The following ITPR1 variants were observed in gnomAD, a reference collection of about 807,000 sequenced individuals.
ITPR1 encodes the protein inositol 1,4,5-trisphosphate-gated calcium channel ITPR1.
Under a neutral mutation model 318.4 loss-of-function variants are expected in ITPR1, and 96 were observed. That is an observed-to-expected ratio of 0.30 (90% CI 0.26 to 0.36). ITPR1 has a LOEUF of 0.36. Among genes scored for constraint, ITPR1 ranks in the 10% least tolerant of loss-of-function variants. The pLI, the probability that ITPR1 is intolerant of heterozygous loss-of-function variation, is 1.00. For missense variants in ITPR1, 2,440 were observed against 3,460.2 expected, an observed-to-expected ratio of 0.71 and a Z score of 7.40; for synonymous variants, 1,312 against 1,289.9, an observed-to-expected ratio of 1.02 and a Z score of -0.37.
At chr3:4,503,355 A>C (rs143513377) in intron 2 of ITPR1, among the ~76,000 whole-genome samples, 84 of 152,302 alleles carry the variant, frequency 5.5e-4, no homozygotes, top group African/African-American at 1.9e-3. Flanking sequence ...TTCTTGGGTA[A>C]GGGGCAAAAC....
chr3:4,691,249 C>CA lies in ITPR1; in HGVS notation c.3935dup (p.His1312GlnfsTer23). The stretch of plus-strand genomic sequence containing the variant: ...GCACTTCGTTCACTGCATAGAGACT[C>CA]ACGGTCGGAATGTCCAGTATATAAA... On this transcript the variant is annotated frameshift_variant, in exon 32 of 62. Coordinates refer to ENST00000649015, the MANE Select transcript of ITPR1 (RefSeq NM_001378452.1). LOFTEE classifies it high-confidence loss of function. 1 of 1,612,898 alleles carries CA rather than the reference C, an allele frequency of 6.2e-7. No homozygotes were observed. Among genetic ancestry groups the CA allele is most frequent in the Non-Finnish European group, 8.5e-7 (1 of 1,179,042 alleles).
chr3:4,520,206 T>G (rs988006618), intron 3 of ITPR1, among the ~76,000 whole-genome samples: 2 of 152,212 alleles, frequency 1.3e-5, no homozygotes, highest in Non-Finnish European at 2.9e-5. Flanking sequence ...CTTGGACAAG[T>G]TGTGTAACTT....
intron 60 of ITPR1, among the ~76,000 whole-genome samples, chr3:4,835,995 C>G (rs1250070466): frequency 6.6e-6 from 1 of 152,156 alleles, no homozygotes; most frequent in Non-Finnish European, 1.5e-5. Flanking sequence ...TCTATAAGCT[C>G]ATAAACGGGG....
chr3:4,652,067 A>C (rs937891703), intron 10 of ITPR1, 56 bp from the exon 11 acceptor site: 2 of 1,316,924 alleles, frequency 1.5e-6, no homozygotes, highest in African/African-American at 2.9e-5. Context: ...CCTCCGATTT[A>C]ATGTCTTCCT....
chr3:4,824,590 G>A (rs1393934163), intron 60 of ITPR1, among the ~76,000 whole-genome samples: 1 of 152,122 alleles, frequency 6.6e-6, no homozygotes, highest in African/African-American at 2.4e-5. Flanking sequence ...GACTTGGACT[G>A]GCTCATCTCC....
chr3:4,538,209 C>G (rs2084058315), intron 4 of ITPR1, among the ~76,000 whole-genome samples: 1 of 151,656 alleles, frequency 6.6e-6, no homozygotes, highest in Non-Finnish European at 1.5e-5. Context: ...AGAAAAAAAC[C>G]AAACAACCCT....
chr3:4,651,424 A>G (rs926137746), intron 10 of ITPR1, among the ~76,000 whole-genome samples: 1 of 152,130 alleles, frequency 6.6e-6, no homozygotes, highest in Non-Finnish European at 1.5e-5. Context: ...CTTCCTCCCT[A>G]TGCTGCCATC....
intron 4 of ITPR1, among the ~76,000 whole-genome samples, chr3:4,594,601 C>T (rs1182827631): frequency 6.6e-6 from 1 of 152,152 alleles, no homozygotes; most frequent in Non-Finnish European, 1.5e-5. Context: ...TAGCTTCAGC[C>T]ATTGTGTTCA....
rs188183699 is a variant in ITPR1, at chr3:4,629,933, C to A, written c.279+2055C>A. On this transcript the variant is annotated intron_variant, in intron 5 of 61. Coordinates refer to ENST00000649015, the MANE Select transcript of ITPR1 (RefSeq NM_001378452.1). ...TGGAGGCTAGTGATTGCTTTGAAGA[C>A]TTCTGGAATTGCATCGTTATTTGAA... 1.7e-4 allele frequency among the ~76,000 whole-genome samples: 26 copies of A among 152,266 alleles called. No individual in the cohort carries two copies. The East Asian group carries it at 5.0e-3, about 29-fold the overall frequency.
chr3:4,690,425 A>G (rs2094462209), intron 31 of ITPR1, among the ~76,000 whole-genome samples: 1 of 152,210 alleles, frequency 6.6e-6, no homozygotes, highest in South Asian at 2.1e-4. Context: ...TTTAGCCACA[A>G]TAAGATGTGG....
intron 23 of ITPR1, among the ~76,000 whole-genome samples, chr3:4,676,059 G>T (rs918072672): frequency 2.0e-5 from 3 of 151,992 alleles, no homozygotes; most frequent in African/African-American, 7.2e-5. Context: ...AATAAAATTT[G>T]GGCAGGGCAT....
intron 47 of ITPR1, among the ~76,000 whole-genome samples, chr3:4,776,540 A>G (rs925052129): frequency 1.8e-4 from 27 of 152,326 alleles, no homozygotes; most frequent in African/African-American, 6.5e-4. Flanking sequence ...CTCATTGTCT[A>G]TTAAAAACCT....
intron 59 of ITPR1, among the ~76,000 whole-genome samples, chr3:4,817,725 C>T (rs1434399957): frequency 6.6e-6 from 1 of 152,202 alleles, no homozygotes; most frequent in Non-Finnish European, 1.5e-5. Context: ...CTTCACATTC[C>T]CTGGTTGCAT....
chr3:4,729,066 G>T (rs2042725284), intron 42 of ITPR1, among the ~76,000 whole-genome samples: 2 of 152,174 alleles, frequency 1.3e-5, no homozygotes, highest in Non-Finnish European at 2.9e-5. Flanking sequence ...CCTAGGAGTA[G>T]CTGATAAAGG....
chr3:4,597,405 G>A (rs1253252907), intron 4 of ITPR1, among the ~76,000 whole-genome samples: 2 of 152,192 alleles, frequency 1.3e-5, no homozygotes, highest in African/African-American at 2.4e-5. Flanking sequence ...GGATTTGGGT[G>A]TATGTAGATG....
intron 44 of ITPR1, among the ~76,000 whole-genome samples, chr3:4,755,244 C>T (rs963592186): frequency 2.7e-5 from 4 of 146,384 alleles, no homozygotes; most frequent in Non-Finnish European, 4.5e-5. Flanking sequence ...AAACTGTTAG[C>T]GTTCTGATCC....
At chr3:4,793,951 T>C (rs2047732139) in intron 52 of ITPR1, among the ~76,000 whole-genome samples, 1 of 152,238 alleles carries the variant, frequency 6.6e-6, no homozygotes, top group Non-Finnish European at 1.5e-5. Flanking sequence ...AAGGCTTGGC[T>C]GCTGCTACAA....
Position 4,636,043 on chromosome 3 carries a change from A to T in ITPR1, c.280-3341A>T, listed in dbSNP as rs2093178974. 4.0e-5 allele frequency among the ~76,000 whole-genome samples: 6 copies of T among 151,846 alleles called. No homozygotes were observed. In the South Asian group the frequency reaches 1.3e-3, roughly 32 times the overall value. ...GCCCAGCTAATTTTGTATTTTTAGT[A>T]GAGATGGGGTTTCTCCATGTTGGTC... On this transcript the variant is annotated intron_variant, in intron 5 of 61. Coordinates refer to ENST00000649015, the MANE Select transcript of ITPR1 (RefSeq NM_001378452.1).
intron 55 of ITPR1, among the ~76,000 whole-genome samples, chr3:4,806,872 G>A (rs2048587470): frequency 6.6e-6 from 1 of 152,032 alleles, no homozygotes; most frequent in Admixed American, 6.6e-5. Flanking sequence ...ACAAATCAAG[G>A]AACTACTTAC....
Sources: allele counts gnomAD v4.1 joint callset (sites outside exome capture counted in the v4.1 genomes callset), GRCh38; gene constraint gnomAD v4.1.1; transcripts MANE v1.5; gene names NCBI Gene and HGNC (gene_info 2026-07-23, HGNC 2026-07-21).